Variants in ADGRD1 observed in about 807,000 individuals in gnomAD.
ADGRD1 encodes G-protein coupled receptor 133.
Under a neutral mutation model 113.4 loss-of-function variants are expected in ADGRD1, and 77 were observed. That is an observed-to-expected ratio of 0.68 (90% confidence interval 0.57 to 0.82). ADGRD1 has a LOEUF of 0.82. Among genes scored for constraint, ADGRD1 ranks in the 40% least tolerant of loss-of-function variants. ADGRD1 has a pLI of 0.00. For synonymous variants in ADGRD1, 474 were observed against 475.0 expected (o/e 1.00, Z 0.03); for missense variants, 1,036 against 1,139.1 (o/e 0.91, Z 1.30).
intron 13 of ADGRD1, among the ~76,000 whole-genome samples, chr12:131,037,979 T>TG (rs1881709787): frequency 6.8e-6 from 1 of 147,992 alleles, no homozygotes; most frequent in Non-Finnish European, 1.5e-5. Context: ...CTCACTGCAC[T>TG]GGGTCTTACT....
chr12:131,106,236 C>T (rs1382844608), intron 17 of ADGRD1, among the ~76,000 whole-genome samples: 1 of 152,210 alleles, frequency 6.6e-6, no homozygotes, highest in African/African-American at 2.4e-5. Context: ...GCCAAGCTGA[C>T]GGCCTGGTGT....
chr12:131,077,713 A>G (rs749440846), intron 14 of ADGRD1, among the ~76,000 whole-genome samples: 11 of 152,096 alleles, frequency 7.2e-5, no homozygotes, highest in Non-Finnish European at 1.6e-4. Flanking sequence ...TTGCCAGGTC[A>G]TCAGTTTTCA....
At chr12:131,012,370 G>A (rs973460649) in intron 12 of ADGRD1, among the ~76,000 whole-genome samples, 8 of 151,742 alleles carry the variant, frequency 5.3e-5, no homozygotes, top group African/African-American at 1.9e-4. Context: ...AGGAATTGCC[G>A]GGTCGAGCAG....
intron 13 of ADGRD1, among the ~76,000 whole-genome samples, chr12:131,073,797 C>T (rs913761843): frequency 2.6e-5 from 4 of 152,150 alleles, no homozygotes; most frequent in Non-Finnish European, 4.4e-5. Context: ...AAGAGCGAGT[C>T]GAGCTTGCTT....
In ADGRD1 at chr12:131,139,478, C is replaced by T; in HGVS notation, c.*215C>T. On this transcript the variant is annotated 3_prime_UTR_variant, in exon 25 of 25. Coordinates refer to ENST00000261654, the MANE Select transcript of ADGRD1 (RefSeq NM_198827.5). ...CCCAGGCCAGCGTGGGCCCTCCTGCCTTGCATCCACCCGTGGGCTGAGTGA... is the reference window on the plus strand; with the variant it reads ...CCCAGGCCAGCGTGGGCCCTCCTGCTTTGCATCCACCCGTGGGCTGAGTGA... 1 of 549,516 alleles carries T rather than the reference C, an allele frequency of 1.8e-6. No homozygotes were observed. The highest frequency in any genetic ancestry group is 2.1e-5 in the South Asian group (1 of 48,570). The allele number at this position is 549,516 out of a possible 1,614,324, so 34.0% of individuals were successfully genotyped here.
At chr12:131,078,251 T>A (rs950130142) in intron 14 of ADGRD1, among the ~76,000 whole-genome samples, 9 of 152,234 alleles carry the variant, frequency 5.9e-5, no homozygotes, top group African/African-American at 2.2e-4. Flanking sequence ...ATCTCTGTTC[T>A]GTGAACAGCG....
intron 15 of ADGRD1, among the ~76,000 whole-genome samples, chr12:131,093,939 A>G (rs1246240831): frequency 2.4e-5 from 2 of 82,862 alleles, no homozygotes; most frequent in African/African-American, 7.7e-5. Context: ...CCAAGCACCC[A>G]GCCTCAGCAG....
chr12:131,069,347 A>G (rs1593156576), intron 13 of ADGRD1: 1 of 152,124 alleles, frequency 6.6e-6, no homozygotes, highest in African/African-American at 2.4e-5. Context: ...GGATGTCTTG[A>G]CCTGAGTCCT....
intron 4 of ADGRD1, among the ~76,000 whole-genome samples, chr12:130,979,543 TCTAAGA>T (rs1294990145): frequency 6.6e-6 from 1 of 152,156 alleles, no homozygotes; most frequent in Non-Finnish European, 1.5e-5. Flanking sequence ...TCAGTGACTC[TCTAAGA>T]CTGTGTCCAT....
rs533877666 is a variant in ADGRD1, at chr12:131,101,230, C to A, written c.1672-3601C>A. Among the ~76,000 whole-genome samples the A allele has an allele frequency of 1.3e-5, 2 of 151,900 alleles. 1 individual carries two copies. The highest frequency in any genetic ancestry group is 4.2e-4 in the South Asian group (2 of 4,770). On this transcript the variant is annotated intron_variant, in intron 15 of 24. Coordinates refer to ENST00000261654, the MANE Select transcript of ADGRD1 (RefSeq NM_198827.5). The stretch of plus-strand genomic sequence containing the variant: ...GAGCCAGGGCTTTGTGGGGTGGAGA[C>A]CTGTGTGGGGTGCATCTCTTGGGGG...
At chr12:131,007,013 T>C (rs1877211312) in intron 12 of ADGRD1, among the ~76,000 whole-genome samples, 1 of 152,222 alleles carries the variant, frequency 6.6e-6, no homozygotes, top group Non-Finnish European at 1.5e-5. Context: ...CTGCTGAAGT[T>C]TCCACCAGGA....
chr12:131,096,777 G>A lies in ADGRD1; in HGVS notation c.1672-8054G>A, dbSNP rs535390196. ...GCCACAACTGTTTAAAGCAGCCATC[G>A]TCTGGGGCACAGTGGGGACTCAGCC... On this transcript the variant is annotated intron_variant, in intron 15 of 24. Coordinates refer to ENST00000261654, the MANE Select transcript of ADGRD1 (RefSeq NM_198827.5). The surrounding 1 kb of genome is among the most constrained non-coding windows in gnomAD (Gnocchi z 5.2). Among the ~76,000 whole-genome samples the A allele has an allele frequency of 4.1e-4, 63 of 152,324 alleles. No homozygotes were observed. Among genetic ancestry groups the A allele is most frequent in the African/African-American group, 1.3e-3 (54 of 41,566 alleles).
chr12:131,011,894 G>A (rs1284705399), intron 12 of ADGRD1, among the ~76,000 whole-genome samples: 1 of 152,224 alleles, frequency 6.6e-6, no homozygotes, highest in East Asian at 1.9e-4. Context: ...GGGCCTTGGA[G>A]TCGCGTGCGG....
Position 130,987,183 on chromosome 12 carries a change from G to A in ADGRD1, c.579G>A (p.Pro193=), listed in dbSNP as rs370350668. The change falls in exon 6 of 25, where the codon CCG becomes CCA. Residue 193 remains proline, a synonymous_variant. Coordinates refer to ENST00000261654, the MANE Select transcript of ADGRD1 (RefSeq NM_198827.5). Reference sequence around the variant, plus strand: ...ACGGGACCCTGAGCACCTCTGATCCGAGTGGAAAAGTGTCTCGTGACTATG... The same window carrying A: ...ACGGGACCCTGAGCACCTCTGATCCAAGTGGAAAAGTGTCTCGTGACTATG... ...YVNGTLSTSD[P]SGKVSRDYGE... 1.9e-5 allele frequency: 31 copies of A among 1,614,078 alleles called. No homozygotes were observed. Among genetic ancestry groups the A allele is most frequent in the Middle Eastern group, 1.6e-4 (1 of 6,082 alleles).
chr12:131,006,747 A>C (rs1263943622), intron 12 of ADGRD1, among the ~76,000 whole-genome samples: 1 of 152,058 alleles, frequency 6.6e-6, no homozygotes, highest in Non-Finnish European at 1.5e-5. Flanking sequence ...TGAGGAATGT[A>C]GTCCTAAATT....
In ADGRD1 at chr12:131,108,883, T is replaced by C; in HGVS notation, c.2041+6T>C. ...CTACTATGGGATGGGATGGGGTAGG[T>C]GGGGCAGGGCAGGTGGGATGGCGGG... is the stretch of plus-strand genomic sequence containing the variant. On this transcript the variant is annotated splice_donor_region_variant and intron_variant, in intron 18 of 24. Transcript: ENST00000261654. 1 of 713,312 alleles carries C rather than the reference T, an allele frequency of 1.4e-6. No homozygotes were observed. Among genetic ancestry groups the C allele is most frequent in the Non-Finnish European group, 1.9e-6 (1 of 533,014 alleles). The allele number at this position is 713,312 out of a possible 1,614,324, so 44.2% of individuals were successfully genotyped here.
Position 130,992,402 on chromosome 12 carries a change from T to C in ADGRD1, c.966+10T>C, listed in dbSNP as rs1874532856. ...CTTGAATCTCACCAAGGTAAGGCTA[T>C]TTGATGTCTGTGTCTGGTGGACCGG... On this transcript the variant is annotated intron_variant, in intron 8 of 24. Coordinates refer to ENST00000261654, the MANE Select transcript of ADGRD1 (RefSeq NM_198827.5). The C allele has an allele frequency of 6.2e-7, 1 of 1,609,298 alleles. No individual in the cohort carries two copies. The highest frequency in any genetic ancestry group is 2.2e-5 in the East Asian group (1 of 44,826).
chr12:131,048,610 C>A (rs1883078226), intron 13 of ADGRD1, among the ~76,000 whole-genome samples: 1 of 152,248 alleles, frequency 6.6e-6, no homozygotes, highest in Admixed American at 6.5e-5. Flanking sequence ...ACCCTCCCAG[C>A]TGACGTGCAG....
chr12:130,957,957 CCTT>C (rs986146934), intron 2 of ADGRD1: 1 of 152,226 alleles, frequency 6.6e-6, no homozygotes, highest in African/African-American at 2.4e-5. Context: ...TTTTTCTCTT[CCTT>C]CCTCCTTCCT....
Sources: allele counts gnomAD v4.1 joint callset (sites outside exome capture counted in the v4.1 genomes callset), GRCh38; gene constraint gnomAD v4.1.1; non-coding constraint Gnocchi (gnomAD v3.1); transcripts MANE v1.5; gene names NCBI Gene and HGNC (gene_info 2026-07-23, HGNC 2026-07-21).